The following NUDT9 variants were observed in gnomAD, a reference collection of about 807,000 sequenced individuals.
NUDT9 encodes the protein ADP-ribose pyrophosphatase.
A neutral mutation model predicts 41.0 loss-of-function variants in NUDT9; 31 were observed. The ratio of observed to expected loss-of-function variants is 0.76; its 90% CI spans 0.57 to 1.02. The LOEUF (loss-of-function observed/expected upper bound fraction) is 1.02, where lower values mean the gene tolerates loss of function less well. Among genes scored for constraint, NUDT9 ranks in the 50% least tolerant of loss-of-function variants. The pLI, the probability that NUDT9 is intolerant of heterozygous loss-of-function variation, is 0.00. For missense variants in NUDT9, 380 were observed against 431.4 expected (o/e 0.88, Z 1.06); for synonymous variants, 146 against 147.6 (o/e 0.99, Z 0.08).
chr4:87,442,004 C>A (rs988745678), intron 4 of NUDT9, 89 bp downstream of exon 4: 1 of 825,020 alleles, frequency 1.2e-6, no homozygotes. Context: ...TATATGTATA[C>A]CTGTGTGTAT....
chr4:87,433,315 A>G (rs747292678), intron 1 of NUDT9, among the ~76,000 whole-genome samples: 89 of 152,312 alleles, frequency 5.8e-4, no homozygotes, highest in Non-Finnish European at 1.0e-3. Flanking sequence ...TCTATCTGGA[A>G]GAGTTCCTGC....
intron 3 of NUDT9, among the ~76,000 whole-genome samples, chr4:87,439,970 T>C (rs181996722): frequency 8.5e-4 from 129 of 152,286 alleles, no homozygotes; most frequent in Non-Finnish European, 1.2e-3. Context: ...AAGGAAATGG[T>C]AGTACTCCTC....
At chr4:87,447,495 TG>T (rs1722511632) in intron 4 of NUDT9, among the ~76,000 whole-genome samples, 1 of 151,566 alleles carries the variant, frequency 6.6e-6, no homozygotes, top group Non-Finnish European at 1.5e-5. Context: ...TTTTTTGTTT[TG>T]TTTTGTTTTG....
chr4:87,442,118 G>A (rs1361153105), intron 4 of NUDT9, among the ~76,000 whole-genome samples: 2 of 152,168 alleles, frequency 1.3e-5, no homozygotes, highest in Non-Finnish European at 1.5e-5. Flanking sequence ...TTTTGTTGTT[G>A]TGTGAACATC....
intron 1 of NUDT9, among the ~76,000 whole-genome samples, chr4:87,427,742 GTA>G (rs1400535821): frequency 6.6e-6 from 1 of 152,068 alleles, no homozygotes; most frequent in Non-Finnish European, 1.5e-5. Context: ...TTCCTGTTTG[GTA>G]TTTAATTAAT....
chr4:87,435,594 C>T (rs73839783), intron 2 of NUDT9, among the ~76,000 whole-genome samples: 2,808 of 152,200 alleles, frequency 0.018, 90 homozygotes, highest in African/African-American at 0.064. Flanking sequence ...TATTTTCCAA[C>T]ATAGCTAGAC....
chr4:87,437,442 G>A (rs1340321672), intron 2 of NUDT9, among the ~76,000 whole-genome samples: 1 of 151,858 alleles, frequency 6.6e-6, no homozygotes. Flanking sequence ...CTGGGTTCAC[G>A]CCATTCTCCT....
intron 2 of NUDT9, among the ~76,000 whole-genome samples, chr4:87,437,906 A>G (rs1722025254): frequency 6.6e-6 from 1 of 152,152 alleles, no homozygotes; most frequent in Non-Finnish European, 1.5e-5. Context: ...AAGGAATCTT[A>G]TTTTTGGAAT....
intron 5 of NUDT9, among the ~76,000 whole-genome samples, 190 bp from the exon 6 acceptor site, chr4:87,451,399 A>G (rs1722701724): frequency 6.6e-6 from 1 of 152,228 alleles, no homozygotes; most frequent in African/African-American, 2.4e-5. Context: ...ACTGTGGCCA[A>G]ATACATGAGG....
At chr4:87,425,712 GAAAAAAAA>G (rs70957242) in intron 1 of NUDT9, among the ~76,000 whole-genome samples, 167 of 94,732 alleles carry the variant, frequency 1.8e-3, no homozygotes, top group Non-Finnish European at 2.6e-3. Flanking sequence ...CTGTCTCTTT[GAAAAAAAA>G]AAAAAAAAAA....
chr4:87,445,751 T>A (rs1190135222), intron 4 of NUDT9, among the ~76,000 whole-genome samples: 1 of 152,176 alleles, frequency 6.6e-6, no homozygotes, highest in African/African-American at 2.4e-5. Context: ...ATGTATTAGT[T>A]CTGTTAGATC....
chr4:87,428,865 T>A (rs1721550124), intron 1 of NUDT9, among the ~76,000 whole-genome samples: 1 of 152,182 alleles, frequency 6.6e-6, no homozygotes, highest in Non-Finnish European at 1.5e-5. Context: ...CACGGAGCCA[T>A]ACGTTTGTTA....
chr4:87,429,880 CCTT>C (rs1273900891), intron 1 of NUDT9, among the ~76,000 whole-genome samples: 1 of 152,076 alleles, frequency 6.6e-6, no homozygotes, highest in African/African-American at 2.4e-5. Context: ...TTATATGGCT[CCTT>C]CTATATATGC....
chr4:87,435,350 C>A, intron 2 of NUDT9, 130 bp downstream of exon 2: 1 of 1,077,396 alleles, frequency 9.3e-7, no homozygotes, highest in Non-Finnish European at 1.3e-6. Context: ...ACTCAGTTTC[C>A]ACATTTGCTT....
At position 87,458,696 on chromosome 4, in the gene NUDT9, TA is replaced by T. The variant is rs1311892149; in HGVS notation, c.*677del. On this transcript the variant is annotated 3_prime_UTR_variant, in exon 8 of 8. Coordinates refer to ENST00000302174, the MANE Select transcript of NUDT9 (RefSeq NM_024047.5). ...AATTAAAAAAAGTCCAGGAAGTTAG[TA>T]ATTTAAATCAGTATGTTCATTTCAC... The T allele has an allele frequency of 6.6e-6, 1 of 152,256 alleles. No individual in the cohort carries two copies. The highest frequency in any genetic ancestry group is 1.5e-5 in the Non-Finnish European group (1 of 68,048). The allele number at this position is 152,256 out of a possible 1,614,324, so 9.4% of individuals were successfully genotyped here.
Position 87,440,412 on chromosome 4 carries a change from T to G in NUDT9, c.444-1417T>G, listed in dbSNP as rs188310999. Among the ~76,000 whole-genome samples, 27 of 152,358 alleles carry G rather than the reference T, an allele frequency of 1.8e-4. No homozygotes were observed. In the East Asian group the frequency reaches 5.2e-3, roughly 29 times the overall value. ...TCTCTTTGCGAATAACCATCTGTGC[T>G]TTTCAGGTTTTAATATAGTCTGTGT... On this transcript the variant is annotated intron_variant, in intron 3 of 7. Transcript: ENST00000302174.
intron 1 of NUDT9, among the ~76,000 whole-genome samples, chr4:87,426,978 G>A (rs1050197527): frequency 1.3e-5 from 2 of 149,928 alleles, no homozygotes; most frequent in Non-Finnish European, 3.0e-5. Flanking sequence ...AAAAAAGCCA[G>A]GTGTGGTAGC....
chr4:87,423,015 AT>A lies in NUDT9; in HGVS notation c.107+5del. 1.2e-6 allele frequency: 2 copies of A among 1,609,822 alleles called. No individual in the cohort carries two copies. Among genetic ancestry groups the A allele is most frequent in the Non-Finnish European group, 1.7e-6 (2 of 1,177,508 alleles). On this transcript the variant is annotated splice_donor_region_variant and intron_variant, in intron 1 of 7. Transcript: ENST00000302174. ...TGCCGCGGCATCCAGGCGTTCAGGT[AT>A]TCCACCCTCCTACTACCGGCTCCTT... is the stretch of plus-strand genomic sequence containing the variant.
At chr4:87,451,542 A>G in intron 5 of NUDT9, 47 bp from the exon 6 acceptor site, 2 of 1,512,018 alleles carry the variant, frequency 1.3e-6, no homozygotes, top group Non-Finnish European at 1.8e-6. Context: ...TTTGTTGAAC[A>G]AATCAAAGCT....
Sources: gnomAD v4.1 joint callset for allele counts (sites outside exome capture counted in the v4.1 genomes callset) on GRCh38, gnomAD v4.1.1 for gene constraint, MANE v1.5 for transcripts, NCBI Gene and HGNC (gene_info 2026-07-23, HGNC 2026-07-21) for gene names.